Variants in TRMT44 observed in about 807,000 individuals in gnomAD.
TRMT44 encodes probable tRNA (uracil-O(2)-)-methyltransferase.
A neutral mutation model predicts 77.3 loss-of-function variants in TRMT44; 78 were observed. That is an observed-to-expected ratio of 1.01 (90% CI 0.84 to 1.22). The LOEUF (loss-of-function observed/expected upper bound fraction) is 1.22. TRMT44 is among the 50% of genes most tolerant of loss of function. TRMT44 has a pLI of 0.00. For missense variants in TRMT44, 1,090 were observed against 964.4 expected, an observed-to-expected ratio of 1.13 and a Z score of -1.73; for synonymous variants, 391 against 383.3, an observed-to-expected ratio of 1.02 and a Z score of -0.23.
intron 2 of TRMT44, among the ~76,000 whole-genome samples, chr4:8,491,207 C>T (rs79612320): frequency 1.3e-5 from 2 of 152,158 alleles, no homozygotes. Context: ...CCCACCAGAG[C>T]AGCTAGATAC....
intron 1 of TRMT44, among the ~76,000 whole-genome samples, chr4:8,443,365 A>G (rs896063319): frequency 6.6e-6 from 1 of 152,162 alleles, no homozygotes; most frequent in African/African-American, 2.4e-5. Flanking sequence ...CTCAACAAGG[A>G]GTACGTTTTC....
intron 6 of TRMT44, among the ~76,000 whole-genome samples, chr4:8,455,095 C>T (rs745754653): frequency 3.3e-5 from 5 of 152,216 alleles, no homozygotes; most frequent in Non-Finnish European, 7.3e-5. Context: ...GGGGTGCTCC[C>T]GTGCAGCCTT....
the TRMT44 span, among the ~76,000 whole-genome samples, chr4:8,512,851 A>G: frequency 6.6e-6 from 1 of 152,326 alleles, no homozygotes; most frequent in Non-Finnish European, 1.5e-5. Context: ...TATTGTGTAA[A>G]GTAGCCTGTG....
the TRMT44 span, among the ~76,000 whole-genome samples, chr4:8,506,327 A>G: frequency 3.3e-5 from 5 of 152,330 alleles, no homozygotes; most frequent in East Asian, 1.9e-4. Context: ...AGTGGAGCAG[A>G]AGGGATTTCT....
Position 8,465,409 on chromosome 4 carries a change from C to T in TRMT44, c.1342C>T (p.Pro448Ser), listed in dbSNP as rs913286508. 34 of 1,613,434 alleles carry T rather than the reference C, an allele frequency of 2.1e-5. No individual in the cohort carries two copies. The highest frequency in any genetic ancestry group is 2.4e-5 in the Non-Finnish European group (28 of 1,179,842). ...CTACAATTGCCGCTTCTTTGTCCTC[C>T]CCTGCTGCTTCTTTGACTTCATTGG... ...SSYNCRFFVLPCCFFDFIGRY... is the reference protein window; with the variant it reads ...SSYNCRFFVLSCCFFDFIGRY... The change falls in exon 8 of 11, where the codon CCC (proline) becomes TCC (serine). Residue 448 changes from proline (P) to serine (S), a missense_variant. Physicochemically the swap from Pro to Ser is moderately conservative, Grantham distance 74. Coordinates refer to ENST00000389737, the MANE Select transcript of TRMT44 (RefSeq NM_152544.3).
rs1725695375 is a variant in TRMT44 at position 8,454,816 on chromosome 4, A to C, written c.1203+3A>C. Reference sequence around the variant, plus strand: ...ATGGACCACAAACTCAGTTAGAGGTACCGTCTTTATTACGCATGCCCTTGA... The same window carrying C: ...ATGGACCACAAACTCAGTTAGAGGTCCCGTCTTTATTACGCATGCCCTTGA... On this transcript the variant is annotated splice_donor_region_variant and intron_variant, in intron 6 of 10. Coordinates refer to ENST00000389737, the MANE Select transcript of TRMT44 (RefSeq NM_152544.3). 25 of 1,614,066 alleles carry C rather than the reference A, an allele frequency of 1.5e-5. No homozygotes were observed. Among genetic ancestry groups the C allele is most frequent in the Non-Finnish European group, 2.1e-5 (25 of 1,179,868 alleles).
downstream of TRMT44, among the ~76,000 whole-genome samples, chr4:8,497,159 G>T (rs1165427639): frequency 7.7e-6 from 1 of 130,064 alleles, no homozygotes; most frequent in Non-Finnish European, 1.7e-5. Context: ...GCAAGGTTGA[G>T]GGAAAAAAAA....
Position 8,440,950 on chromosome 4 carries a change from T to C in TRMT44, c.128T>C (p.Leu43Pro). Residue 43 changes from leucine to proline, a missense_variant, in exon 1 of 11, where the codon CTG (leucine) becomes CCG (proline). Coordinates refer to ENST00000389737, the MANE Select transcript of TRMT44 (RefSeq NM_152544.3). ...VANKRLCGAR[L>P]EARWSAALPC... ...AACAAACGGCTTTGCGGCGCCCGCC[T>C]GGAGGCCCGCTGGAGCGCCGCCCTG... is the stretch of plus-strand genomic sequence containing the variant. The C allele has an allele frequency of 6.5e-7, 1 of 1,529,322 alleles. No homozygotes were observed. Among genetic ancestry groups the C allele is most frequent in the Non-Finnish European group, 8.7e-7 (1 of 1,145,062 alleles). 94.7% of individuals were successfully genotyped at this position (1,529,322 alleles called of 1,614,324 possible). A position where few individuals can be genotyped will look rare whatever the true frequency, so the allele number is the denominator to read the frequency against.
At chr4:8,495,977 A>G (rs995027226), downstream of TRMT44, among the ~76,000 whole-genome samples, 9 of 152,318 alleles carry the variant, frequency 5.9e-5, no homozygotes, top group African/African-American at 1.7e-4. Flanking sequence ...GCAGCCAATC[A>G]GATGGGCCAC....
downstream of TRMT44, among the ~76,000 whole-genome samples, chr4:8,480,717 T>G (rs1727588435): frequency 6.6e-6 from 1 of 152,212 alleles, no homozygotes; most frequent in African/African-American, 2.4e-5. Flanking sequence ...CCTCAAGGAC[T>G]AAACTGATTT....
the TRMT44 span, among the ~76,000 whole-genome samples, chr4:8,501,973 G>A: frequency 6.6e-6 from 1 of 152,220 alleles, no homozygotes; most frequent in Admixed American, 6.5e-5. This position sits in a 1 kb window ranked among gnomAD's most constrained non-coding sequence, Gnocchi z 4.4. Flanking sequence ...CCGGGTCCCT[G>A]GGGAAGTAAC....
Position 8,449,788 on chromosome 4 carries a change from A to G in TRMT44, c.854A>G (p.Asn285Ser), listed in dbSNP as rs545541153. The change falls in exon 3 of 11, where the codon AAC (asparagine) becomes AGC (serine). Residue 285 changes from asparagine (N) to serine (S), a missense_variant. Asn to Ser is a conservative substitution (Grantham distance 46, BLOSUM62 1). Transcript: ENST00000389737. ...AAGTTGGCCAAGTGGTCTGTAGAGA[A>G]CAAGAAGAGTGACTTTAAAAGCACC... ...LAKLAKWSVE[N>S]KKSDFKSTLS... 1.4e-5 allele frequency: 21 copies of G among 1,536,060 alleles called. No individual in the cohort carries two copies. The East Asian group carries it at 4.4e-4, about 32-fold the overall frequency.
chr4:8,502,874 G>T, the TRMT44 span, among the ~76,000 whole-genome samples: 1 of 152,234 alleles, frequency 6.6e-6, no homozygotes, highest in African/African-American at 2.4e-5. Context: ...GGGAACATGG[G>T]CCACTACAGG....
Position 8,446,608 on chromosome 4 carries a change from G to T in TRMT44, c.734+18G>T. The T allele has an allele frequency of 6.7e-7, 1 of 1,487,546 alleles. No individual in the cohort carries two copies. Among genetic ancestry groups the T allele is most frequent in the Non-Finnish European group, 9.0e-7 (1 of 1,106,014 alleles). 92.1% of individuals were successfully genotyped at this position (1,487,546 alleles called of 1,614,324 possible). ...GAAGAATGGTAAGAGCTGGACAGTG[G>T]ACTCCTAGTTTTATGGTTTCCATTG... is the stretch of plus-strand genomic sequence containing the variant. On this transcript the variant is annotated intron_variant, in intron 2 of 10. Coordinates refer to ENST00000389737, the MANE Select transcript of TRMT44 (RefSeq NM_152544.3). The surrounding 1 kb of genome is among the most constrained non-coding windows in gnomAD (Gnocchi z 4.3).
chr4:8,449,955 T>TTTCTTTTC (rs1560222078), intron 3 of TRMT44, 67 bp downstream of exon 3: 24 of 688,174 alleles, frequency 3.5e-5, no homozygotes, highest in South Asian at 1.3e-4. Context: ...TTTTCTTTTT[T>TTTCTTTTC]TTTTTTTTTT....
intron 2 of TRMT44, among the ~76,000 whole-genome samples, chr4:8,447,411 G>C (rs1261018881): frequency 6.6e-6 from 1 of 152,162 alleles, no homozygotes; most frequent in Non-Finnish European, 1.5e-5. Flanking sequence ...ATTTTCCTGA[G>C]TGCCACATCC....
downstream of TRMT44, among the ~76,000 whole-genome samples, chr4:8,479,987 TCTC>T (rs1345658224): frequency 3.3e-5 from 5 of 152,044 alleles, no homozygotes; most frequent in Non-Finnish European, 7.4e-5. Context: ...GCTTAATTGA[TCTC>T]CTGCCTCAGC....
chr4:8,470,875 G>T, intron 9 of TRMT44: 1 of 498,668 alleles, frequency 2.0e-6, no homozygotes, highest in Non-Finnish European at 3.6e-6. Flanking sequence ...CGTCTTGTCA[G>T]GCTGTGCCAC....
intron 1 of TRMT44, among the ~76,000 whole-genome samples, chr4:8,445,695 TG>T (rs1725014801): frequency 6.6e-6 from 1 of 152,230 alleles, no homozygotes; most frequent in African/African-American, 2.4e-5. Flanking sequence ...GGCCCCACAC[TG>T]CTTGCTTTCC....
Sources: allele counts gnomAD v4.1 joint callset (sites outside exome capture counted in the v4.1 genomes callset), GRCh38; gene constraint gnomAD v4.1.1; non-coding constraint Gnocchi (gnomAD v3.1); transcripts MANE v1.5; gene names NCBI Gene and HGNC (gene_info 2026-07-23, HGNC 2026-07-21).